Variants in ZNF804B observed in about 807,000 individuals in gnomAD.
The protein encoded by ZNF804B is zinc finger protein 804B, also known as zinc finger 804B.
Under a neutral mutation model 101.4 loss-of-function variants are expected in ZNF804B, and 80 were observed. That is an observed-to-expected ratio of 0.79 (90% CI 0.66 to 0.95). The LOEUF is 0.95. Ranked by LOEUF, ZNF804B falls within the 40% of genes least tolerant of loss-of-function variation. The probability of loss-of-function intolerance (pLI) is 0.00; values close to 1 mark genes in which losing one functional copy is unlikely to be tolerated. For missense variants in ZNF804B, 1,673 were observed against 1,561.9 expected, an observed-to-expected ratio of 1.07 and a Z score of -1.20; for synonymous variants, 622 against 558.8, an observed-to-expected ratio of 1.11 and a Z score of -1.59.
intron 2 of ZNF804B, among the ~76,000 whole-genome samples, chr7:89,302,508 G>T (rs1226482734): frequency 2.0e-5 from 3 of 151,828 alleles, no homozygotes; most frequent in Admixed American, 6.6e-5. Flanking sequence ...AGGAAGTTAT[G>T]CTAGAGAGAG....
chr7:88,838,639 A>T (rs544896269), intron 1 of ZNF804B, among the ~76,000 whole-genome samples: 1 of 152,072 alleles, frequency 6.6e-6, no homozygotes, highest in East Asian at 1.9e-4. Context: ...TAATTTACAG[A>T]GTACATTATA....
chr7:89,310,127 T>C (rs765398251), intron 2 of ZNF804B, among the ~76,000 whole-genome samples: 7 of 152,142 alleles, frequency 4.6e-5, no homozygotes, highest in East Asian at 3.9e-4. Context: ...TGAGCCCTTC[T>C]TCCTGCCTTC....
chr7:88,807,064 A>T (rs1790703229), intron 1 of ZNF804B, among the ~76,000 whole-genome samples: 1 of 152,186 alleles, frequency 6.6e-6, no homozygotes, highest in African/African-American at 2.4e-5. Context: ...AAAAATGAAA[A>T]ATCCATATCT....
Position 88,870,400 on chromosome 7 carries a change from A to AAAAAAAAAAAAAAAAAAAAAAAAG in ZNF804B, c.108+110323_108+110324insAAAAAAAAAAAAAAAAGAAAAAAA, listed in dbSNP as rs781332488. ...ACTCCGTCTCAAAAAAAAAAAAAAA[A>AAAAAAAAAAAAAAAAAAAAAAAAG]AAAAAAAGGTGGGTGATTGGAAAAC... On this transcript the variant is annotated intron_variant, in intron 1 of 3. Transcript: ENST00000333190. Among the ~76,000 whole-genome samples, 24 of 112,682 alleles carry AAAAAAAAAAAAAAAAAAAAAAAAG rather than the reference A, an allele frequency of 2.1e-4. 1 individual carries two copies. The highest frequency in any genetic ancestry group is 4.7e-4 in the East Asian group (2 of 4,228). The allele number at this position is 112,682 out of a possible 152,430, so 73.9% of individuals were successfully genotyped here. A position where few individuals can be genotyped will look rare whatever the true frequency, so the allele number is the denominator to read the frequency against.
chr7:89,130,675 G>A (rs561075181), intron 1 of ZNF804B, among the ~76,000 whole-genome samples: 135 of 151,974 alleles, frequency 8.9e-4, no homozygotes, highest in African/African-American at 3.1e-3. Context: ...TGAGGAGAGG[G>A]GACGCCTTTA....
At chr7:88,930,882 G>A (rs1021727202) in intron 1 of ZNF804B, among the ~76,000 whole-genome samples, 1 of 151,846 alleles carries the variant, frequency 6.6e-6, no homozygotes, top group Non-Finnish European at 1.5e-5. Context: ...AAATAATAAA[G>A]AGAGCTATCA....
intron 2 of ZNF804B, among the ~76,000 whole-genome samples, chr7:89,268,857 A>G (rs1449936145): frequency 6.6e-6 from 1 of 152,078 alleles, no homozygotes; most frequent in African/African-American, 2.4e-5. Flanking sequence ...TTTTAATTTA[A>G]GTACACTCTT....
At position 89,089,384 on chromosome 7, in the gene ZNF804B, T is replaced by A. The variant is rs143947771; in HGVS notation, c.109-128771T>A. Among the ~76,000 whole-genome samples, 376 of 152,110 alleles carry A rather than the reference T, an allele frequency of 2.5e-3. 1 individual carries two copies. Among genetic ancestry groups the A allele is most frequent in the African/African-American group, 8.1e-3 (338 of 41,530 alleles). The stretch of plus-strand genomic sequence containing the variant: ...AAATTTTTTTTCCCATTTCTCTGAA[T>A]AGGTATATATAGAATCACATGTGTA... On this transcript the variant is annotated intron_variant, in intron 1 of 3. Transcript: ENST00000333190.
chr7:89,219,172 A>G (rs1289180283), intron 2 of ZNF804B, among the ~76,000 whole-genome samples: 1 of 152,078 alleles, frequency 6.6e-6, no homozygotes, highest in Non-Finnish European at 1.5e-5. Context: ...ATAATGTCTT[A>G]TTCAAAGTTA....
chr7:88,905,680 A>G, intron 1 of ZNF804B, among the ~76,000 whole-genome samples: 1 of 152,038 alleles, frequency 6.6e-6, no homozygotes, highest in East Asian at 1.9e-4. Flanking sequence ...TTTTTTGATA[A>G]GTATTTTTGC....
chr7:88,766,433 T>C (rs1789984854), intron 1 of ZNF804B, among the ~76,000 whole-genome samples: 1 of 152,250 alleles, frequency 6.6e-6, no homozygotes, highest in Non-Finnish European at 1.5e-5. Context: ...TCTTATTTTG[T>C]TCAAATTTGA....
chr7:89,171,302 T>G (rs1358517079), intron 1 of ZNF804B, among the ~76,000 whole-genome samples: 50 of 102,004 alleles, frequency 4.9e-4, no homozygotes, highest in African/African-American at 1.7e-3. Flanking sequence ...CTTCTTCTTC[T>G]TCTTCTTCTT....
At chr7:89,103,048 GTTTTTTTTTTTTTTTTTTTTTT>G (rs56693128) in intron 1 of ZNF804B, among the ~76,000 whole-genome samples, 1 of 33,726 alleles carries the variant, frequency 3.0e-5, no homozygotes, top group African/African-American at 1.1e-4. Flanking sequence ...CTATGTGTCT[GTTTTTTTTTTTTTTTTTTTTTT>G]TTTTTTTTTT....
chr7:88,950,132 A>T (rs1793195661), intron 1 of ZNF804B, among the ~76,000 whole-genome samples: 1 of 151,944 alleles, frequency 6.6e-6, no homozygotes, highest in Non-Finnish European at 1.5e-5. Flanking sequence ...TACTTGGACA[A>T]TCATGTCATA....
intron 2 of ZNF804B, among the ~76,000 whole-genome samples, chr7:89,318,996 C>T (rs1429049795): frequency 6.6e-6 from 1 of 152,150 alleles, no homozygotes; most frequent in Non-Finnish European, 1.5e-5. Flanking sequence ...AAGGGATGGG[C>T]CGACTTAATT....
At chr7:88,958,127 T>C (rs1359407613) in intron 1 of ZNF804B, among the ~76,000 whole-genome samples, 1 of 151,452 alleles carries the variant, frequency 6.6e-6, no homozygotes, top group Non-Finnish European at 1.5e-5. Context: ...CTGTGAATAC[T>C]TATCATGGAA....
chr7:88,783,791 G>A (rs760672689), intron 1 of ZNF804B, among the ~76,000 whole-genome samples: 5 of 152,024 alleles, frequency 3.3e-5, no homozygotes, highest in South Asian at 2.1e-4. Flanking sequence ...TGATATAAAC[G>A]GTAGAACATA....
chr7:89,255,419 T>TA (rs1323157572), intron 2 of ZNF804B, among the ~76,000 whole-genome samples: 1 of 151,972 alleles, frequency 6.6e-6, no homozygotes, highest in African/African-American at 2.4e-5. Context: ...GATAGACAAG[T>TA]AAAAAAATGG....
chr7:89,105,695 T>C (rs929428628), intron 1 of ZNF804B, among the ~76,000 whole-genome samples: 2 of 152,054 alleles, frequency 1.3e-5, no homozygotes, highest in African/African-American at 4.8e-5. Context: ...CACACACGTG[T>C]TGGGTGTTCC....
Sources: allele counts gnomAD v4.1 joint callset (sites outside exome capture counted in the v4.1 genomes callset), GRCh38; gene constraint gnomAD v4.1.1; transcripts MANE v1.5; gene names NCBI Gene and HGNC (gene_info 2026-07-23, HGNC 2026-07-21).